The following ENOX1 variants were observed in gnomAD, a reference collection of about 807,000 sequenced individuals.
ENOX1 encodes the protein ecto-NOX disulfide-thiol exchanger 1, also known as candidate growth-related and time keeping constitutive hydroquinone (NADH) oxidase.
A neutral mutation model predicts 82.5 loss-of-function variants in ENOX1; 42 were observed. That is an observed-to-expected ratio of 0.51 (90% CI 0.40 to 0.66). The LOEUF is 0.66. Among genes scored for constraint, ENOX1 ranks in the 30% least tolerant of loss-of-function variants. The probability of loss-of-function intolerance (pLI) is 0.00; values close to 1 mark genes in which losing one functional copy is unlikely to be tolerated. For synonymous variants in ENOX1, 271 were observed against 282.2 expected (o/e 0.96, Z 0.40); for missense variants, 608 against 811.6 (o/e 0.75, Z 3.05).
At chr13:43,722,763 A>C (rs913611206) in intron 1 of ENOX1, among the ~76,000 whole-genome samples, 12 of 152,228 alleles carry the variant, frequency 7.9e-5, no homozygotes, top group Non-Finnish European at 7.3e-5. Flanking sequence ...ATCCAAGATC[A>C]CAAAGCCAAC....
chr13:43,500,299 A>C (rs2076935866), intron 2 of ENOX1, among the ~76,000 whole-genome samples: 1 of 152,148 alleles, frequency 6.6e-6, no homozygotes, highest in African/African-American at 2.4e-5. Context: ...ATTACTATTA[A>C]ATTGTCAAAA....
At chr13:43,779,765 CCAACCTCCATG>C (rs1423531190) in intron 1 of ENOX1, among the ~76,000 whole-genome samples, 3 of 152,214 alleles carry the variant, frequency 2.0e-5, no homozygotes, top group African/African-American at 7.2e-5. Context: ...GCTCTCCATA[CCAACCTCCATG>C]CACAGTCCAC....
chr13:43,558,742 A>G (rs1043040039), intron 2 of ENOX1, among the ~76,000 whole-genome samples: 8 of 152,318 alleles, frequency 5.3e-5, no homozygotes, highest in East Asian at 1.9e-4. Flanking sequence ...TGAGAAATCA[A>G]TGAAAGATAC....
chr13:43,616,164 ATCTATCTATC>A (rs2082439054), intron 2 of ENOX1, among the ~76,000 whole-genome samples: 7 of 4,900 alleles, frequency 1.4e-3, no homozygotes, highest in Non-Finnish European at 3.5e-3. Context: ...ATAGATATCT[ATCTATCTATC>A]TATCTATCTA....
At chr13:43,609,576 C>G (rs1479680092) in intron 2 of ENOX1, among the ~76,000 whole-genome samples, 2 of 152,178 alleles carry the variant, frequency 1.3e-5, no homozygotes, top group African/African-American at 2.4e-5. Context: ...GTCTAAGATT[C>G]AAATCTAAAA....
intron 11 of ENOX1, among the ~76,000 whole-genome samples, chr13:43,317,575 T>G (rs137926487): frequency 8.0e-4 from 122 of 152,022 alleles, no homozygotes; most frequent in African/African-American, 2.9e-3. Flanking sequence ...TTAACATAAA[T>G]CTTCCAGCTA....
intron 5 of ENOX1, among the ~76,000 whole-genome samples, chr13:43,388,955 G>T (rs1245354613): frequency 6.6e-6 from 1 of 152,160 alleles, no homozygotes; most frequent in Admixed American, 6.5e-5. Flanking sequence ...CTTCCATCTG[G>T]CTGTGGTATC....
At chr13:43,348,883 T>C (rs1448074306) in intron 8 of ENOX1, among the ~76,000 whole-genome samples, 2 of 152,236 alleles carry the variant, frequency 1.3e-5, no homozygotes, top group African/African-American at 4.8e-5. Flanking sequence ...AGAAATTGTA[T>C]GCTGAGGTTG....
At chr13:43,528,766 A>G (rs1462779154) in intron 2 of ENOX1, among the ~76,000 whole-genome samples, 4 of 152,188 alleles carry the variant, frequency 2.6e-5, no homozygotes, top group Non-Finnish European at 5.9e-5. Flanking sequence ...ACTGTATTAC[A>G]GAATCCAGGG....
rs187623860 is a variant in ENOX1, at chr13:43,498,925, A to C, written c.-218-14773T>G. ...TGCTTGAAACTAATATGGAAGAGGA[A>C]AGTAGTAATTGTGGAGAAACCTGGC... On this transcript the variant is annotated intron_variant, in intron 2 of 16. Coordinates refer to ENST00000690772, the MANE Select transcript of ENOX1 (RefSeq NM_001347969.2). Among the ~76,000 whole-genome samples, 333 of 152,214 alleles carry C rather than the reference A, an allele frequency of 2.2e-3. 1 individual carries two copies. Among genetic ancestry groups the C allele is most frequent in the African/African-American group, 7.7e-3 (319 of 41,544 alleles).
At chr13:43,363,928 G>A (rs1005042524) in intron 5 of ENOX1, among the ~76,000 whole-genome samples, 4 of 152,192 alleles carry the variant, frequency 2.6e-5, no homozygotes, top group African/African-American at 9.7e-5. Flanking sequence ...TCAGTATGAG[G>A]AGACTATGAG....
intron 3 of ENOX1, among the ~76,000 whole-genome samples, chr13:43,420,492 G>T (rs777787914): frequency 3.9e-5 from 6 of 152,166 alleles, no homozygotes; most frequent in Non-Finnish European, 7.3e-5. Flanking sequence ...TTAACTACTG[G>T]GTGTTTCATC....
At chr13:43,713,581 C>T (rs2087889695) in intron 1 of ENOX1, among the ~76,000 whole-genome samples, 1 of 152,184 alleles carries the variant, frequency 6.6e-6, no homozygotes, top group Admixed American at 6.5e-5. Flanking sequence ...ATTATTGCCA[C>T]AATTTCAGAG....
At chr13:43,476,002 T>C (rs1039339100) in intron 3 of ENOX1, among the ~76,000 whole-genome samples, 2 of 152,066 alleles carry the variant, frequency 1.3e-5, no homozygotes, top group African/African-American at 2.4e-5. Context: ...ACTCTAATCT[T>C]ATATTTGTTT....
intron 5 of ENOX1, among the ~76,000 whole-genome samples, chr13:43,410,017 A>G (rs1278007686): frequency 6.6e-6 from 1 of 152,236 alleles, no homozygotes; most frequent in Non-Finnish European, 1.5e-5. Flanking sequence ...AGATAGAAAA[A>G]GTAATTTGGG....
chr13:43,766,908 C>G (rs1467853872), intron 1 of ENOX1, among the ~76,000 whole-genome samples: 3 of 152,080 alleles, frequency 2.0e-5, no homozygotes, highest in African/African-American at 7.2e-5. Flanking sequence ...ATCCAACTCT[C>G]AGCTCACCCA....
intron 8 of ENOX1, among the ~76,000 whole-genome samples, chr13:43,348,068 G>A (rs2049511383): frequency 6.6e-6 from 1 of 152,130 alleles, no homozygotes; most frequent in Admixed American, 6.5e-5. Flanking sequence ...TAAACAGCAC[G>A]GCGTGCCTCC....
chr13:43,561,079 C>T (rs938898282), intron 2 of ENOX1, among the ~76,000 whole-genome samples: 1 of 152,122 alleles, frequency 6.6e-6, no homozygotes, highest in African/African-American at 2.4e-5. Context: ...AATCAAAAGG[C>T]AGACCTAGCA....
At chr13:43,681,866 C>A (rs752018111) in intron 1 of ENOX1, among the ~76,000 whole-genome samples, 33 of 152,032 alleles carry the variant, frequency 2.2e-4, no homozygotes, top group Admixed American at 1.4e-3. Flanking sequence ...AAAGGAGGAA[C>A]AAGTTTCTTG....
Sources: allele counts gnomAD v4.1 joint callset (sites outside exome capture counted in the v4.1 genomes callset), GRCh38; gene constraint gnomAD v4.1.1; transcripts MANE v1.5; gene names NCBI Gene and HGNC (gene_info 2026-07-23, HGNC 2026-07-21).